The following DLG2 variants were observed in gnomAD, a reference collection of about 807,000 sequenced individuals.
DLG2 encodes the protein disks large homolog 2.
Under a neutral mutation model 132.5 loss-of-function variants are expected in DLG2, and 45 were observed. The observed-to-expected ratio is 0.34, with a 90% confidence interval of 0.27 to 0.44. The LOEUF is 0.44. Among genes scored for constraint, DLG2 ranks in the 20% least tolerant of loss-of-function variants. DLG2 has a pLI of 1.00. For synonymous variants in DLG2, 424 were observed against 419.6 expected, an observed-to-expected ratio of 1.01 and a Z score of -0.13; for missense variants, 1,045 against 1,196.9, an observed-to-expected ratio of 0.87 and a Z score of 1.87.
chr11:85,590,444 T>G (rs531565519), intron 3 of DLG2, among the ~76,000 whole-genome samples: 62 of 152,288 alleles, frequency 4.1e-4, no homozygotes, highest in Non-Finnish European at 8.4e-4. Flanking sequence ...AAGTAATAAA[T>G]ACTCATTTCC....
intron 18 of DLG2, among the ~76,000 whole-genome samples, chr11:83,701,000 T>C (rs988334307): frequency 1.3e-5 from 2 of 152,186 alleles, no homozygotes; most frequent in African/African-American, 4.8e-5. Context: ...ATTTGTAACA[T>C]AGAAAAGCAC....
intron 7 of DLG2, among the ~76,000 whole-genome samples, chr11:84,372,930 A>G (rs937576541): frequency 1.6e-4 from 25 of 152,074 alleles, no homozygotes; most frequent in African/African-American, 5.8e-4. Context: ...AGAGACAATC[A>G]CCTTACCAAA....
intron 7 of DLG2, among the ~76,000 whole-genome samples, chr11:84,255,385 G>A (rs1250200440): frequency 6.6e-6 from 1 of 152,114 alleles, no homozygotes; most frequent in Non-Finnish European, 1.5e-5. Flanking sequence ...GTACAGTGGT[G>A]CAATCTCGGC....
intron 11 of DLG2, among the ~76,000 whole-genome samples, chr11:84,006,066 G>A (rs538821874): frequency 6.6e-6 from 1 of 151,820 alleles, no homozygotes; most frequent in Admixed American, 6.6e-5. Context: ...GCAAAGACAT[G>A]AAATCAATCT....
At chr11:85,340,482 C>T (rs1384872264) in intron 3 of DLG2, among the ~76,000 whole-genome samples, 1 of 152,010 alleles carries the variant, frequency 6.6e-6, no homozygotes, top group Non-Finnish European at 1.5e-5. Flanking sequence ...CACACCAGGG[C>T]CTGTTGGGCG....
intron 3 of DLG2, among the ~76,000 whole-genome samples, chr11:85,474,347 C>A (rs1010778822): frequency 2.4e-4 from 37 of 151,998 alleles, no homozygotes; most frequent in African/African-American, 7.9e-4. Flanking sequence ...CTGTATATAT[C>A]TTATCATATA....
intron 18 of DLG2, among the ~76,000 whole-genome samples, chr11:83,744,810 GT>G (rs2092785192): frequency 6.6e-6 from 1 of 152,160 alleles, no homozygotes; most frequent in Non-Finnish European, 1.5e-5. Context: ...GTTTCAGGAA[GT>G]TTTTTATTCT....
At chr11:83,588,362 C>T (rs1409273267) in intron 19 of DLG2, among the ~76,000 whole-genome samples, 1 of 151,874 alleles carries the variant, frequency 6.6e-6, no homozygotes, top group South Asian at 2.1e-4. Context: ...AGGCACCCCC[C>T]AGCAGGGGCA....
At chr11:85,563,376 G>T (rs2077357499) in intron 3 of DLG2, among the ~76,000 whole-genome samples, 1 of 150,836 alleles carries the variant, frequency 6.6e-6, no homozygotes, top group East Asian at 1.9e-4. Context: ...TTTCATAGTA[G>T]CCTCCATCTG....
intron 6 of DLG2, among the ~76,000 whole-genome samples, chr11:84,871,563 T>G (rs2085462130): frequency 6.6e-6 from 1 of 152,080 alleles, no homozygotes; most frequent in Admixed American, 6.6e-5. Context: ...AGAAGACTCT[T>G]AAGTAGACAT....
At chr11:85,533,906 A>G (rs2075388265) in intron 3 of DLG2, among the ~76,000 whole-genome samples, 1 of 152,268 alleles carries the variant, frequency 6.6e-6, no homozygotes, top group Non-Finnish European at 1.5e-5. Context: ...ACAAATGTTT[A>G]AATTCCATTT....
chr11:85,622,921 G>A (rs901156773), intron 2 of DLG2, among the ~76,000 whole-genome samples: 7 of 151,962 alleles, frequency 4.6e-5, no homozygotes, highest in African/African-American at 1.7e-4. Context: ...AGCCAGGTGT[G>A]GTGGCACGCA....
intron 7 of DLG2, among the ~76,000 whole-genome samples, chr11:84,330,294 AG>A: frequency 6.6e-6 from 1 of 152,204 alleles, no homozygotes; most frequent in East Asian, 1.9e-4. Flanking sequence ...ATTTTGGGCA[AG>A]GCTTTCTGCT....
chr11:85,436,580 A>G (rs961504939), intron 3 of DLG2, among the ~76,000 whole-genome samples: 2 of 152,252 alleles, frequency 1.3e-5, no homozygotes, highest in Non-Finnish European at 2.9e-5. Context: ...TGATCATTAG[A>G]GAAATGCAAA....
At chr11:83,621,326 A>C (rs2061609380) in intron 19 of DLG2, among the ~76,000 whole-genome samples, 1 of 151,936 alleles carries the variant, frequency 6.6e-6, no homozygotes, top group South Asian at 2.1e-4. Flanking sequence ...GCACCCTCTG[A>C]ATTTTGGCAA....
chr11:84,688,763 C>G (rs2057665637), intron 6 of DLG2, among the ~76,000 whole-genome samples: 1 of 152,174 alleles, frequency 6.6e-6, no homozygotes, highest in South Asian at 2.1e-4. Flanking sequence ...AAATATGACC[C>G]TTCCAATCTC....
chr11:83,928,179 T>C (rs1017364353), intron 15 of DLG2, among the ~76,000 whole-genome samples: 2 of 151,516 alleles, frequency 1.3e-5, no homozygotes, highest in Non-Finnish European at 2.9e-5. Flanking sequence ...TAGAATAAAT[T>C]GAAAATAGAA....
At chr11:84,317,727 A>T (rs906876115) in intron 7 of DLG2, among the ~76,000 whole-genome samples, 1 of 152,182 alleles carries the variant, frequency 6.6e-6, no homozygotes, top group African/African-American at 2.4e-5. Context: ...TTATCTAGAG[A>T]GAGATTTGCC....
chr11:83,867,651 G>A (rs1475659669), intron 16 of DLG2, among the ~76,000 whole-genome samples: 3 of 152,022 alleles, frequency 2.0e-5, no homozygotes, highest in African/African-American at 7.2e-5. Flanking sequence ...GAAATTCCAC[G>A]TTTGGAAACT....
Sources: allele counts gnomAD v4.1 joint callset (sites outside exome capture counted in the v4.1 genomes callset), GRCh38; gene constraint gnomAD v4.1.1; transcripts MANE v1.5; gene names NCBI Gene and HGNC (gene_info 2026-07-23, HGNC 2026-07-21).